Variants in ARHGAP10 observed in about 807,000 individuals in gnomAD.
ARHGAP10 encodes the protein rho GTPase-activating protein 10.
In ARHGAP10, 87 loss-of-function variants were observed where a neutral mutation model predicts 108.6. The ratio of observed to expected loss-of-function variants is 0.80; its 90% CI spans 0.67 to 0.96. The LOEUF is 0.96. ARHGAP10 is among the 40% of genes least tolerant of loss of function. The pLI, the probability that ARHGAP10 is intolerant of heterozygous loss-of-function variation, is 0.00. For missense variants in ARHGAP10, 939 were observed against 954.5 expected (o/e 0.98, Z 0.21); for synonymous variants, 347 against 341.1 (o/e 1.02, Z -0.19).
chr4:147,923,930 A>G (rs1471710727), intron 13 of ARHGAP10, among the ~76,000 whole-genome samples: 1 of 152,224 alleles, frequency 6.6e-6, no homozygotes, highest in Non-Finnish European at 1.5e-5. Flanking sequence ...AATGAAGAAA[A>G]TAAAGAACAG....
intron 19 of ARHGAP10, among the ~76,000 whole-genome samples, chr4:148,038,214 C>T (rs1272394359): frequency 6.6e-6 from 1 of 152,038 alleles, no homozygotes; most frequent in Non-Finnish European, 1.5e-5. Context: ...GTACTAGATA[C>T]CACTCTCCTT....
At chr4:147,820,875 A>G (rs1406099400) in intron 1 of ARHGAP10, among the ~76,000 whole-genome samples, 1 of 152,024 alleles carries the variant, frequency 6.6e-6, no homozygotes, top group African/African-American at 2.4e-5. Context: ...ACAGGCGTGA[A>G]CCACCACACT....
chr4:147,975,211 G>A (rs1739548228), intron 18 of ARHGAP10, among the ~76,000 whole-genome samples: 1 of 151,878 alleles, frequency 6.6e-6, no homozygotes, highest in Non-Finnish European at 1.5e-5. Context: ...CTTTTTTTTG[G>A]TGTGACAGTG....
chr4:148,012,978 T>C lies in ARHGAP10; in HGVS notation c.1717-10285T>C, dbSNP rs75096424. Among the ~76,000 whole-genome samples, 1,270 of 151,440 alleles carry C rather than the reference T, an allele frequency of 8.4e-3. 13 individuals carry two copies. The highest frequency in any genetic ancestry group is 0.012 in the Non-Finnish European group (835 of 67,866). On this transcript the variant is annotated intron_variant, in intron 18 of 22. Transcript: ENST00000336498. Reference sequence around the variant, plus strand: ...AAGAGCTGTTTTGTGTTTGCCAACATTTCTACAAGGAATATAATGTGTATT... The same window carrying C: ...AAGAGCTGTTTTGTGTTTGCCAACACTTCTACAAGGAATATAATGTGTATT...
intron 18 of ARHGAP10, among the ~76,000 whole-genome samples, chr4:147,971,784 T>G (rs1739415016): frequency 6.6e-6 from 1 of 152,166 alleles, no homozygotes; most frequent in Non-Finnish European, 1.5e-5. Flanking sequence ...CTCATAGTTT[T>G]CAAGTAAACT....
At chr4:147,801,306 C>G (rs934233129) in intron 1 of ARHGAP10, among the ~76,000 whole-genome samples, 1 of 152,178 alleles carries the variant, frequency 6.6e-6, no homozygotes, top group Non-Finnish European at 1.5e-5. Flanking sequence ...AGTTAGACTC[C>G]TCTTAATGAA....
chr4:147,844,861 C>CA (rs1444076303), intron 3 of ARHGAP10, among the ~76,000 whole-genome samples: 1 of 152,182 alleles, frequency 6.6e-6, no homozygotes, highest in Non-Finnish European at 1.5e-5. Flanking sequence ...TCTCCCTCAG[C>CA]AGCCAGAGTA....
At chr4:147,758,786 G>A (rs1256631916) in intron 1 of ARHGAP10, among the ~76,000 whole-genome samples, 3 of 151,648 alleles carry the variant, frequency 2.0e-5, no homozygotes, top group East Asian at 3.9e-4. Context: ...CGAGACCAGC[G>A]TGGCCAGCAT....
chr4:148,043,644 TATATATA>T (rs1361609178), intron 19 of ARHGAP10, among the ~76,000 whole-genome samples: 2 of 116,044 alleles, frequency 1.7e-5, no homozygotes, highest in African/African-American at 6.2e-5. Context: ...TATATATATA[TATATATA>T]TTTTAGGTGT....
chr4:147,867,599 T>C (rs987343089), intron 7 of ARHGAP10, among the ~76,000 whole-genome samples: 24 of 152,206 alleles, frequency 1.6e-4, no homozygotes, highest in Admixed American at 1.5e-3. Context: ...GGCACAGTGG[T>C]TCATGCCTGT....
At chr4:147,741,099 T>C (rs986188544) in intron 1 of ARHGAP10, among the ~76,000 whole-genome samples, 1 of 152,258 alleles carries the variant, frequency 6.6e-6, no homozygotes, top group African/African-American at 2.4e-5. Flanking sequence ...CAACCTTTTT[T>C]TCCTACAAGT....
chr4:148,041,819 G>A (rs1265365851), intron 19 of ARHGAP10, among the ~76,000 whole-genome samples: 1 of 152,174 alleles, frequency 6.6e-6, no homozygotes, highest in Non-Finnish European at 1.5e-5. Flanking sequence ...CTAAATATTT[G>A]CAAAAGAACA....
At chr4:147,903,532 A>C (rs1330733144) in intron 10 of ARHGAP10, among the ~76,000 whole-genome samples, 2 of 152,224 alleles carry the variant, frequency 1.3e-5, no homozygotes, top group African/African-American at 4.8e-5. Context: ...GGGTTTGCCC[A>C]AATGTGTACT....
At chr4:147,902,716 G>T (rs917663782) in intron 10 of ARHGAP10, among the ~76,000 whole-genome samples, 9 of 152,100 alleles carry the variant, frequency 5.9e-5, no homozygotes, top group African/African-American at 2.2e-4. Context: ...ACTCCAGTCT[G>T]GGAGACAGAG....
At chr4:147,777,501 T>G (rs1730348376) in intron 1 of ARHGAP10, among the ~76,000 whole-genome samples, 1 of 152,098 alleles carries the variant, frequency 6.6e-6, no homozygotes, top group Non-Finnish European at 1.5e-5. Flanking sequence ...GACCTCCTGA[T>G]CTGCCTGCCT....
At chr4:147,918,339 G>C (rs1411638180) in intron 13 of ARHGAP10, among the ~76,000 whole-genome samples, 1 of 151,948 alleles carries the variant, frequency 6.6e-6, no homozygotes, top group African/African-American at 2.4e-5. Context: ...GTTTCACCGT[G>C]TTAGCCAGGA....
intron 20 of ARHGAP10, among the ~76,000 whole-genome samples, chr4:148,062,355 T>C (rs1467872332): frequency 1.4e-4 from 22 of 152,192 alleles, no homozygotes; most frequent in Admixed American, 1.4e-3. Flanking sequence ...AGACGGGGTA[T>C]CTTAGGTGAA....
chr4:147,750,109 A>G lies in ARHGAP10; in HGVS notation c.154+17654A>G, dbSNP rs143076680. ...GAGGCAACTTTGTAAAGACCTTTGTATTTTTTGACCTTAAAATTTTCATTC... is the reference window on the plus strand; with the variant it reads ...GAGGCAACTTTGTAAAGACCTTTGTGTTTTTTGACCTTAAAATTTTCATTC... On this transcript the variant is annotated intron_variant, in intron 1 of 22. Transcript: ENST00000336498. Among the ~76,000 whole-genome samples the G allele has an allele frequency of 3.0e-4, 46 of 152,298 alleles. No individual in the cohort carries two copies. In the East Asian group the frequency reaches 7.7e-3, roughly 25 times the overall value.
intron 1 of ARHGAP10, among the ~76,000 whole-genome samples, chr4:147,790,820 C>T (rs1026573737): frequency 2.6e-5 from 4 of 152,136 alleles, no homozygotes; most frequent in African/African-American, 7.2e-5. Context: ...CTGAATACTT[C>T]AGTACTTGCA....
Sources: allele counts gnomAD v4.1 joint callset (sites outside exome capture counted in the v4.1 genomes callset), GRCh38; gene constraint gnomAD v4.1.1; transcripts MANE v1.5; gene names NCBI Gene and HGNC (gene_info 2026-07-23, HGNC 2026-07-21).